RBFOX1: variants seen among roughly 807,000 people sequenced by gnomAD.
RBFOX1 encodes the protein RNA binding fox-1 homolog 1, also known as RNA binding protein fox-1 homolog 1.
In RBFOX1, 8 loss-of-function variants were observed where a neutral mutation model predicts 57.7. That is an observed-to-expected ratio of 0.14 (90% CI 0.08 to 0.25). RBFOX1 has a LOEUF of 0.25. Among genes scored for constraint, RBFOX1 ranks in the 10% least tolerant of loss-of-function variants. RBFOX1 has a pLI of 1.00. For synonymous variants in RBFOX1, 326 were observed against 222.4 expected, an observed-to-expected ratio of 1.47 and a Z score of -4.15; for missense variants, 611 against 548.5, an observed-to-expected ratio of 1.11 and a Z score of -1.14.
chr16:7,564,011 A>G (rs9925621), intron 5 of RBFOX1, among the ~76,000 whole-genome samples: 132,150 of 152,148 alleles, frequency 0.87, 58,655 homozygotes, highest in Non-Finnish European at 0.97. Flanking sequence ...TGCTTCTTTA[A>G]GTGCAGGTGT....
intron 2 of RBFOX1, among the ~76,000 whole-genome samples, chr16:6,614,681 G>T (rs2098118165): frequency 6.6e-6 from 1 of 152,158 alleles, no homozygotes; most frequent in Admixed American, 6.5e-5. Context: ...TTGCCCCACA[G>T]TCTTTGGTGT....
chr16:7,562,104 T>A (rs1567838358), intron 5 of RBFOX1, among the ~76,000 whole-genome samples: 1 of 152,074 alleles, frequency 6.6e-6, no homozygotes, highest in African/African-American at 2.4e-5. Context: ...TAGAGAACAA[T>A]GCAGCTCATT....
At chr16:6,815,284 C>T (rs2089817873) in intron 3 of RBFOX1, among the ~76,000 whole-genome samples, 1 of 152,076 alleles carries the variant, frequency 6.6e-6, no homozygotes, top group Non-Finnish European at 1.5e-5. Context: ...GACTTCTTTG[C>T]CACTTGCTAT....
At chr16:7,358,003 T>C (rs2097251294) in intron 4 of RBFOX1, among the ~76,000 whole-genome samples, 1 of 152,132 alleles carries the variant, frequency 6.6e-6, no homozygotes, top group Non-Finnish European at 1.5e-5. Flanking sequence ...TTATCTTCCA[T>C]GTGGGCTAAT....
chr16:6,438,643 A>C, intron 2 of RBFOX1, among the ~76,000 whole-genome samples: 1 of 152,058 alleles, frequency 6.6e-6, no homozygotes, highest in African/African-American at 2.4e-5. Flanking sequence ...GAACCCTCTG[A>C]GTTGGGGTTG....
chr16:7,652,868 A>G (rs909058541), intron 11 of RBFOX1, among the ~76,000 whole-genome samples: 2 of 152,240 alleles, frequency 1.3e-5, no homozygotes, highest in Admixed American at 1.3e-4. Flanking sequence ...CTCATACCAC[A>G]TACATGTGTC....
chr16:6,327,393 A>G (rs985801642), intron 2 of RBFOX1, among the ~76,000 whole-genome samples: 6 of 152,128 alleles, frequency 3.9e-5, no homozygotes, highest in Non-Finnish European at 8.8e-5. Context: ...TAGAGTTTTC[A>G]TCTTTGGGAT....
rs897390966 is a variant in RBFOX1 at position 7,042,021 on chromosome 16, C to T, written c.-15-10036C>T. On this transcript the variant is annotated intron_variant, in intron 3 of 15. Coordinates refer to ENST00000550418, the MANE Select transcript of RBFOX1 (RefSeq NM_018723.4). ...GGACTTCCTTAGTCTGATTCCTTAA[C>T]CTCCAGTCTCCATTGGGGAGAAAAC... is the stretch of plus-strand genomic sequence containing the variant. Among the ~76,000 whole-genome samples, 3 of 152,168 alleles carry T rather than the reference C, an allele frequency of 2.0e-5. No homozygotes were observed. In the South Asian group the frequency reaches 6.2e-4, roughly 32 times the overall value.
At chr16:7,675,419 A>C (rs1359632632) in intron 13 of RBFOX1, among the ~76,000 whole-genome samples, 1 of 152,160 alleles carries the variant, frequency 6.6e-6, no homozygotes, top group Non-Finnish European at 1.5e-5. Flanking sequence ...AAAAAAAAAA[A>C]AAACTGGTTC....
At chr16:6,957,117 T>TTTATTTA (rs2082025238) in intron 3 of RBFOX1, among the ~76,000 whole-genome samples, 1 of 26,196 alleles carries the variant, frequency 3.8e-5, no homozygotes, top group East Asian at 5.7e-4. Context: ...TATTTTTATT[T>TTTATTTA]TTATTTATTT....
intron 3 of RBFOX1, among the ~76,000 whole-genome samples, chr16:5,660,567 T>C (rs373502019): frequency 1.4e-4 from 22 of 152,332 alleles, no homozygotes; most frequent in African/African-American, 4.8e-4. Flanking sequence ...GTTCTCATCA[T>C]CTCTTGGGAA....
chr16:5,262,365 C>G (rs1319015734), intron 1 of RBFOX1, among the ~76,000 whole-genome samples: 1 of 152,132 alleles, frequency 6.6e-6, no homozygotes, highest in Non-Finnish European at 1.5e-5. Flanking sequence ...TTGTCCTCCC[C>G]AATGTGGGTG....
chr16:6,743,976 C>A (rs1461994055), intron 3 of RBFOX1, among the ~76,000 whole-genome samples: 1 of 151,494 alleles, frequency 6.6e-6, no homozygotes, highest in East Asian at 1.9e-4. Context: ...GTTATCTTTT[C>A]AATATATAAA....
intron 3 of RBFOX1, among the ~76,000 whole-genome samples, chr16:6,749,700 C>T (rs2074529744): frequency 6.6e-6 from 1 of 152,094 alleles, no homozygotes; most frequent in South Asian, 2.1e-4. Flanking sequence ...AAATAATAAG[C>T]CCAAAGAATT....
chr16:5,793,039 A>T (rs146322980), intron 3 of RBFOX1, among the ~76,000 whole-genome samples: 2 of 152,354 alleles, frequency 1.3e-5, no homozygotes, highest in Non-Finnish European at 2.9e-5. Flanking sequence ...CTGCAGTTCA[A>T]ACCCACGTTG....
chr16:5,547,368 A>C (rs1408385942), intron 2 of RBFOX1, among the ~76,000 whole-genome samples: 4 of 152,214 alleles, frequency 2.6e-5, no homozygotes, highest in Non-Finnish European at 5.9e-5. Context: ...GTCTATTATC[A>C]GGTGAATGTA....
intron 1 of RBFOX1, among the ~76,000 whole-genome samples, chr16:5,371,187 A>T (rs1417708153): frequency 6.6e-6 from 1 of 151,030 alleles, no homozygotes; most frequent in Non-Finnish European, 1.5e-5. Context: ...ACCTCAGGTG[A>T]TCCGCCCACC....
intron 4 of RBFOX1, among the ~76,000 whole-genome samples, chr16:7,427,868 G>A (rs2098636992): frequency 6.6e-6 from 1 of 152,062 alleles, no homozygotes; most frequent in South Asian, 2.1e-4. Context: ...TTCCCAGCTT[G>A]GTCTCAAACC....
intron 1 of RBFOX1, among the ~76,000 whole-genome samples, chr16:6,064,133 AG>A (rs2095727008): frequency 6.6e-6 from 1 of 152,162 alleles, no homozygotes; most frequent in Non-Finnish European, 1.5e-5. Flanking sequence ...TTACTACTGA[AG>A]GTATTTCAGC....
Sources: allele counts gnomAD v4.1 joint callset (sites outside exome capture counted in the v4.1 genomes callset), GRCh38; gene constraint gnomAD v4.1.1; transcripts MANE v1.5; gene names NCBI Gene and HGNC (gene_info 2026-07-23, HGNC 2026-07-21).